Variants in PSG9 observed in about 807,000 individuals in gnomAD.
PSG9 encodes pregnancy-specific beta-1-glycoprotein 9.
A neutral mutation model predicts 41.9 loss-of-function variants in PSG9; 49 were observed. That is an observed-to-expected ratio of 1.17 (90% CI 0.93 to 1.48). The LOEUF (loss-of-function observed/expected upper bound fraction) is 1.48. Among genes scored for constraint, PSG9 ranks in the 40% most tolerant of loss-of-function variants. PSG9 has a pLI of 0.00. For missense variants in PSG9, 641 were observed against 520.3 expected (o/e 1.23, Z -2.26); for synonymous variants, 263 against 196.8 (o/e 1.34, Z -2.82).
chr19:43,266,738 T>C (rs1327189640), intron 2 of PSG9, among the ~76,000 whole-genome samples: 2 of 152,112 alleles, frequency 1.3e-5, no homozygotes, highest in Non-Finnish European at 2.9e-5. Flanking sequence ...TATGGGGTCC[T>C]TGGAACCCAG....
intron 2 of PSG9, among the ~76,000 whole-genome samples, chr19:43,263,037 G>T (rs1159968797): frequency 1.3e-5 from 2 of 152,204 alleles, no homozygotes; most frequent in Non-Finnish European, 2.9e-5. Flanking sequence ...GCGTTTGGTG[G>T]ATATTAGACC....
chr19:43,257,017 C>T (rs1968465928), intron 5 of PSG9: 1 of 146,846 alleles, frequency 6.8e-6, no homozygotes, highest in South Asian at 2.2e-4. Flanking sequence ...GTTATTCAAC[C>T]TTAACAAGGA....
chr19:43,258,584 T>C (rs1234260371), intron 4 of PSG9, 128 bp from the exon 5 acceptor site: 2 of 1,423,494 alleles, frequency 1.4e-6, no homozygotes, highest in Admixed American at 2.4e-5. Flanking sequence ...AGTCCCTCTA[T>C]GTTCACTGAG....
chr19:43,261,866 G>C lies in PSG9; in HGVS notation c.703C>G (p.Leu235Val). Residue 235 changes from leucine to valine, a missense_variant, in exon 3 of 6, where the codon CTC (leucine) becomes GTC (valine). Physicochemically the swap from Leu to Val is conservative, Grantham distance 32. Coordinates refer to ENST00000270077, the MANE Select transcript of PSG9 (RefSeq NM_002784.5). ...AGGAACAGAAGATACTCACGGAGGA[G>C]ATTCAGGGTGACTGGGTCACTGCGA... ...ASRSDPVTLN[L>V]LPKLPIPYIT... 6.2e-7 allele frequency: 1 copy of C among 1,614,090 alleles called. No individual in the cohort carries two copies. Among genetic ancestry groups the C allele is most frequent in the Non-Finnish European group, 8.5e-7 (1 of 1,179,946 alleles).
chr19:43,261,218 A>G (rs1968695191), intron 3 of PSG9, among the ~76,000 whole-genome samples: 1 of 152,092 alleles, frequency 6.6e-6, no homozygotes, highest in African/African-American at 2.4e-5. Flanking sequence ...AGGGACTATG[A>G]TCCTCTTGAT....
intron 2 of PSG9, among the ~76,000 whole-genome samples, chr19:43,264,529 C>A (rs1278048528): frequency 6.6e-6 from 1 of 152,052 alleles, no homozygotes; most frequent in Non-Finnish European, 1.5e-5. Flanking sequence ...ATGATCTCAG[C>A]TCACTGCAAG....
In PSG9 at chr19:43,259,058, C is replaced by A. The variant is rs1968583550; in HGVS notation, c.787G>T (p.Glu263Ter). Reference protein sequence around the residue: ...ENKDVLAFTCEPKSENYTYIW... With the variant: ...ENKDVLAFTC ...TAGGTGTAGTTCTCACTCTTAGGTT[C>A]ACAGGTGAAGGCTAAGACATCCTTA... Residue 263 changes from glutamate (E) to a stop codon, truncating the protein, a stop_gained, in exon 4 of 6, where the codon GAA becomes TAA. Transcript: ENST00000270077. LOFTEE classifies it high-confidence loss of function. 2.5e-6 allele frequency: 4 copies of A among 1,590,454 alleles called. 1 individual carries two copies. Among genetic ancestry groups the A allele is most frequent in the Non-Finnish European group, 3.4e-6 (4 of 1,174,386 alleles).
At chr19:43,255,465 G>A (rs1968414112) in intron 5 of PSG9, among the ~76,000 whole-genome samples, 1 of 146,468 alleles carries the variant, frequency 6.8e-6, no homozygotes, top group Non-Finnish European at 1.5e-5. Context: ...AAGGATGCCT[G>A]CTTTTGACAC....
rs369349918 is a variant in PSG9, at chr19:43,268,101, A to T, written c.113T>A (p.Ile38Asn). Residue 38 changes from isoleucine (I) to asparagine (N), a missense_variant, in exon 2 of 6, where the codon ATT (isoleucine) becomes AAT (asparagine). By Grantham distance (149) the Ile-to-Asn change is moderately radical. Coordinates refer to ENST00000270077, the MANE Select transcript of PSG9 (RefSeq NM_002784.5). Reference sequence around the variant, plus strand: ...AGAAACTTTGGGTGGCTGGGCTTCAATCGTGACTTCGGCAGTGGTGGGCGG... The same window carrying T: ...AGAAACTTTGGGTGGCTGGGCTTCATTCGTGACTTCGGCAGTGGTGGGCGG... ...WNPPTTAEVT[I>N]EAQPPKVSEG... 5.6e-6 allele frequency: 9 copies of T among 1,613,160 alleles called. No homozygotes were observed. In the African/African-American group the frequency reaches 1.1e-4, roughly 19 times the overall value.
At chr19:43,263,787 C>T (rs1047602119) in intron 2 of PSG9, among the ~76,000 whole-genome samples, 1 of 152,052 alleles carries the variant, frequency 6.6e-6, no homozygotes. Context: ...TGGAAATTAG[C>T]AGCTCCTTAA....
chr19:43,263,121 C>G (rs2122538908), intron 2 of PSG9, among the ~76,000 whole-genome samples: 1 of 152,226 alleles, frequency 6.6e-6, no homozygotes, highest in South Asian at 2.1e-4. Flanking sequence ...TTTGACTACT[C>G]TATGTACCTC....
intron 5 of PSG9, among the ~76,000 whole-genome samples, chr19:43,254,339 A>T (rs1260786855): frequency 1.4e-5 from 2 of 146,476 alleles, no homozygotes; most frequent in Admixed American, 1.4e-4. Context: ...ATTTGACCTC[A>T]AGGCTAATGA....
chr19:43,266,369 A>G (rs1968967503), intron 2 of PSG9, among the ~76,000 whole-genome samples: 1 of 151,730 alleles, frequency 6.6e-6, no homozygotes, highest in African/African-American at 2.4e-5. Flanking sequence ...TTCAGTCTCT[A>G]AAGAGGTTTT....
intron 3 of PSG9, among the ~76,000 whole-genome samples, chr19:43,261,555 C>T (rs566267606): frequency 1.3e-5 from 2 of 152,264 alleles, no homozygotes; most frequent in South Asian, 2.1e-4. Context: ...TGAGCCAAGT[C>T]GCAACACTGA....
At position 43,259,400 on chromosome 19, in the gene PSG9, G is replaced by A. The variant is rs568273497; in HGVS notation, c.710-265C>T. On this transcript the variant is annotated intron_variant, in intron 3 of 5. Coordinates refer to ENST00000270077, the MANE Select transcript of PSG9 (RefSeq NM_002784.5). ...GGGTCATGGACAGACACATCAGTGGGAGTCACAGCCCCTGGTACCCCTCCC... is the reference window on the plus strand; with the variant it reads ...GGGTCATGGACAGACACATCAGTGGAAGTCACAGCCCCTGGTACCCCTCCC... The A allele has an allele frequency of 1.8e-3, 1,043 of 590,588 alleles. 130 individuals are homozygous for A. In the African/African-American group the frequency reaches 0.019, roughly 11 times the overall value. The allele number at this position is 590,588 out of a possible 1,614,324, so 36.6% of individuals were successfully genotyped here.
chr19:43,256,647 T>A (rs1968453330), intron 5 of PSG9, among the ~76,000 whole-genome samples: 1 of 146,464 alleles, frequency 6.8e-6, no homozygotes, highest in African/African-American at 2.6e-5. Flanking sequence ...CTACACCACC[T>A]CACACAATTT....
At position 43,255,703 on chromosome 19, in the gene PSG9, C is replaced by T. The variant is rs1234429751; in HGVS notation, c.1244-2057G>A. Among the ~76,000 whole-genome samples the T allele has an allele frequency of 1.4e-5, 2 of 146,428 alleles. 1 individual carries two copies. Among genetic ancestry groups the T allele is most frequent in the East Asian group, 4.7e-4 (2 of 4,282 alleles). ...TTCAAACATCTGTTGTATTTCAATA[C>T]ACTAACCATGAACAATCTGAAGGGA... On this transcript the variant is annotated intron_variant, in intron 5 of 5. Transcript: ENST00000270077.
Position 43,261,975 on chromosome 19 carries a change from G to C in PSG9, c.594C>G (p.Thr198=). 1.2e-6 allele frequency: 2 copies of C among 1,614,046 alleles called. No individual in the cohort carries two copies. Among genetic ancestry groups the C allele is most frequent in the African/African-American group, 1.3e-5 (1 of 75,018 alleles). Reference sequence around the variant, plus strand: ...CACCAAATAGATAGAGGGTCCTGTTGGTTTTGGACAGCTGCAACCTGTGAG... The same window carrying C: ...CACCAAATAGATAGAGGGTCCTGTTCGTTTTGGACAGCTGCAACCTGTGAG... ...PVTHRLQLSK[T]NRTLYLFGVT... The change falls in exon 3 of 6, where the codon ACC becomes ACG. Residue 198 remains threonine, a synonymous_variant. Transcript: ENST00000270077.
At chr19:43,253,926 C>T (rs188214027) in intron 5 of PSG9, among the ~76,000 whole-genome samples, 1 of 146,342 alleles carries the variant, frequency 6.8e-6, no homozygotes, top group African/African-American at 2.6e-5. Flanking sequence ...CATGCCTGCT[C>T]CACATTCCCT....
Sources: gnomAD v4.1 joint callset for allele counts (sites outside exome capture counted in the v4.1 genomes callset) on GRCh38, gnomAD v4.1.1 for gene constraint, MANE v1.5 for transcripts, NCBI Gene and HGNC (gene_info 2026-07-23, HGNC 2026-07-21) for gene names.